ATXN10: variants seen among roughly 807,000 people sequenced by gnomAD.
ATXN10 encodes the protein ataxin-10.
A neutral mutation model predicts 52.9 loss-of-function variants in ATXN10; 28 were observed. The observed-to-expected ratio is 0.53, with a 90% CI of 0.39 to 0.73. The LOEUF (loss-of-function observed/expected upper bound fraction) is 0.73. Among genes scored for constraint, ATXN10 ranks in the 30% least tolerant of loss-of-function variants. The pLI is 0.00. For missense variants in ATXN10, 565 were observed against 577.0 expected (o/e 0.98, Z 0.21); for synonymous variants, 226 against 221.5 (o/e 1.02, Z -0.18).
In ATXN10 at chr22:45,775,394, A is replaced by G. The variant is rs764172452; in HGVS notation, c.1174-31565A>G. On this transcript the variant is annotated intron_variant, in intron 9 of 11. Transcript: ENST00000252934. This position sits in a 1 kb window ranked among gnomAD's most constrained non-coding sequence, Gnocchi z 4.7. ...AAATTGAGACAAGTTGGAAAACACAAACATTGTGAGGGTTTGTAGAACGGG... is the reference window on the plus strand; with the variant it reads ...AAATTGAGACAAGTTGGAAAACACAGACATTGTGAGGGTTTGTAGAACGGG... 3.3e-5 allele frequency among the ~76,000 whole-genome samples: 5 copies of G among 152,218 alleles called. No individual in the cohort carries two copies. The highest frequency in any genetic ancestry group is 1.3e-4 in the Admixed American group (2 of 15,284).
At chr22:45,673,886 C>G (rs1056017098) in intron 1 of ATXN10, 3 of 152,120 alleles carry the variant, frequency 2.0e-5, no homozygotes, top group Non-Finnish European at 4.4e-5. Flanking sequence ...TAAGGTTTCT[C>G]GTACAGAAGA....
rs574175363 is a variant in ATXN10 at position 45,842,019 on chromosome 22, G to A, written c.1238-972G>A. Among the ~76,000 whole-genome samples the A allele has an allele frequency of 5.3e-5, 8 of 152,246 alleles. No individual in the cohort carries two copies. Among genetic ancestry groups the A allele is most frequent in the South Asian group, 2.1e-4 (1 of 4,828 alleles). On this transcript the variant is annotated intron_variant, in intron 10 of 11. Coordinates refer to ENST00000252934, the MANE Select transcript of ATXN10 (RefSeq NM_013236.4). The surrounding 1 kb of genome is among the most constrained non-coding windows in gnomAD (Gnocchi z 4.8). ...TTTGTCTTGCTGCCTTTATCTGCTCGTGGGCAGGGAGGTCTCTTTCTTTGG... is the reference window on the plus strand; with the variant it reads ...TTTGTCTTGCTGCCTTTATCTGCTCATGGGCAGGGAGGTCTCTTTCTTTGG...
rs1601631413 is a variant in ATXN10 at position 45,763,638 on chromosome 22, C to A, written c.1173+23100C>A. 2.0e-5 allele frequency among the ~76,000 whole-genome samples: 3 copies of A among 152,246 alleles called. No homozygotes were observed. The highest frequency in any genetic ancestry group is 2.0e-4 in the Admixed American group (3 of 15,290). ...GGCCCTTCCTTTTCCCCAGGTTGGG[C>A]TCTTGCCTTTTTCTCTGTTCCTTCA... On this transcript the variant is annotated intron_variant, in intron 9 of 11. Transcript: ENST00000252934. This position sits in a 1 kb window ranked among gnomAD's most constrained non-coding sequence, Gnocchi z 6.9.
At chr22:45,767,119 G>A (rs906744654) in intron 9 of ATXN10, among the ~76,000 whole-genome samples, 1 of 152,068 alleles carries the variant, frequency 6.6e-6, no homozygotes, top group African/African-American at 2.4e-5. Flanking sequence ...TTGCTTTTAG[G>A]ACTCTATACT....
chr22:45,802,726 C>G (rs1001660698), intron 9 of ATXN10, among the ~76,000 whole-genome samples: 1 of 152,194 alleles, frequency 6.6e-6, no homozygotes, highest in African/African-American at 2.4e-5. Context: ...TTTAGTTCAC[C>G]TTTATTGCCT....
intron 9 of ATXN10, 21 bp downstream of exon 9, chr22:45,740,559 G>A: frequency 6.2e-7 from 1 of 1,608,308 alleles, no homozygotes; most frequent in Non-Finnish European, 8.5e-7. Context: ...TTCTTAGTAT[G>A]TATTATACAT....
At chr22:45,813,476 A>G (rs996496865) in intron 10 of ATXN10, among the ~76,000 whole-genome samples, 1 of 147,080 alleles carries the variant, frequency 6.8e-6, no homozygotes, top group African/African-American at 2.5e-5. Context: ...TTTAATGGAA[A>G]CACCTAATTT....
Position 45,837,522 on chromosome 22 carries a change from A to G in ATXN10, c.1238-5469A>G, listed in dbSNP as rs750187908. Among the ~76,000 whole-genome samples, 11 of 152,244 alleles carry G rather than the reference A, an allele frequency of 7.2e-5. No individual in the cohort carries two copies. Among genetic ancestry groups the G allele is most frequent in the Non-Finnish European group, 1.6e-4 (11 of 68,038 alleles). On this transcript the variant is annotated intron_variant, in intron 10 of 11. Coordinates refer to ENST00000252934, the MANE Select transcript of ATXN10 (RefSeq NM_013236.4). This position sits in a 1 kb window ranked among gnomAD's most constrained non-coding sequence, Gnocchi z 5.8. ...CGTGATCCGCCTGCCTCAGCCTCCC[A>G]AAGTGTTGGGATTACAGGCGTGAGC...
At position 45,790,738 on chromosome 22, in the gene ATXN10, A is replaced by G. The variant is rs78733525; in HGVS notation, c.1174-16221A>G. Among the ~76,000 whole-genome samples, 891 of 151,868 alleles carry G rather than the reference A, an allele frequency of 5.9e-3. 14 individuals carry two copies. The highest frequency in any genetic ancestry group is 0.021 in the African/African-American group (856 of 41,364). ...TGTTCAAATAGCCACTGAAACATCT[A>G]CTCTTTTCTACACTTCACTGTAAGT... On this transcript the variant is annotated intron_variant, in intron 9 of 11. Transcript: ENST00000252934. This position sits in a 1 kb window ranked among gnomAD's most constrained non-coding sequence, Gnocchi z 4.7.
chr22:45,711,051 A>C (rs1924228254), intron 5 of ATXN10, among the ~76,000 whole-genome samples: 1 of 152,210 alleles, frequency 6.6e-6, no homozygotes, highest in Admixed American at 6.5e-5. Context: ...CCTGAAAATC[A>C]GACATTCTGT....
intron 6 of ATXN10, among the ~76,000 whole-genome samples, chr22:45,726,361 C>G (rs1924870855): frequency 6.6e-6 from 1 of 151,990 alleles, no homozygotes; most frequent in Non-Finnish European, 1.5e-5. Flanking sequence ...CTGTTCAGAC[C>G]TCCTATTTCT....
Position 45,765,167 on chromosome 22 carries a change from G to A in ATXN10, c.1173+24629G>A, listed in dbSNP as rs141086863. On this transcript the variant is annotated intron_variant, in intron 9 of 11. Transcript: ENST00000252934. Reference sequence around the variant, plus strand: ...GCCAAGGAGATTGCCCTCTCATCGCGGGGCCAGTCCTAGAAGCCACTTCTT... The same window carrying A: ...GCCAAGGAGATTGCCCTCTCATCGCAGGGCCAGTCCTAGAAGCCACTTCTT... Among the ~76,000 whole-genome samples, 642 of 152,238 alleles carry A rather than the reference G, an allele frequency of 4.2e-3. 7 individuals are homozygous for A. The highest frequency in any genetic ancestry group is 0.015 in the African/African-American group (615 of 41,528).
intron 9 of ATXN10, among the ~76,000 whole-genome samples, chr22:45,778,273 C>G (rs1927029891): frequency 6.6e-6 from 1 of 152,148 alleles, no homozygotes; most frequent in South Asian, 2.1e-4. Flanking sequence ...TATCCATTTA[C>G]TCAGTGAGTA....
chr22:45,721,288 T>C (rs1296224700), intron 6 of ATXN10, among the ~76,000 whole-genome samples: 1 of 152,176 alleles, frequency 6.6e-6, no homozygotes, highest in East Asian at 1.9e-4. Flanking sequence ...GTAAACAGCT[T>C]GTGTAGTTTT....
At chr22:45,812,073 G>A (rs1193681159) in intron 10 of ATXN10, among the ~76,000 whole-genome samples, 2 of 152,158 alleles carry the variant, frequency 1.3e-5, no homozygotes, top group African/African-American at 4.8e-5. Context: ...CGTGAAGGCA[G>A]TTGTCCAAGC....
chr22:45,773,752 CT>C (rs1926856278), intron 9 of ATXN10, among the ~76,000 whole-genome samples: 1 of 152,124 alleles, frequency 6.6e-6, no homozygotes, highest in Admixed American at 6.5e-5. Context: ...GCCACTGCAC[CT>C]GGCCTGAATG....
At chr22:45,794,562 T>C (rs1385955575) in intron 9 of ATXN10, among the ~76,000 whole-genome samples, 1 of 152,204 alleles carries the variant, frequency 6.6e-6, no homozygotes, top group South Asian at 2.1e-4. Flanking sequence ...CTCTGTAGTG[T>C]TGTTGTTCTA....
chr22:45,695,168 C>G (rs1013792096), intron 3 of ATXN10, among the ~76,000 whole-genome samples: 3 of 148,460 alleles, frequency 2.0e-5, no homozygotes, highest in Admixed American at 2.0e-4. Context: ...AGTAAAAATA[C>G]AAAAAATTAG....
rs79033695 is a variant in ATXN10, at chr22:45,727,168, G to A, written c.729-2257G>A. On this transcript the variant is annotated intron_variant, in intron 6 of 11. Coordinates refer to ENST00000252934, the MANE Select transcript of ATXN10 (RefSeq NM_013236.4). The surrounding 1 kb of genome is among the most constrained non-coding windows in gnomAD (Gnocchi z 4.6). Reference sequence around the variant, plus strand: ...TATTTTGAATAACTTTTAAATGTCCGTCTTGATTTCATTGTTAACCCCCAA... The same window carrying A: ...TATTTTGAATAACTTTTAAATGTCCATCTTGATTTCATTGTTAACCCCCAA... Among the ~76,000 whole-genome samples the A allele has an allele frequency of 0.14, 20,788 of 152,006 alleles. 1,799 individuals carry two copies. The highest frequency in any genetic ancestry group is 0.21 in the East Asian group (1,079 of 5,174).
Sources: allele counts gnomAD v4.1 joint callset (sites outside exome capture counted in the v4.1 genomes callset), GRCh38; gene constraint gnomAD v4.1.1; non-coding constraint Gnocchi (gnomAD v3.1); transcripts MANE v1.5; gene names NCBI Gene and HGNC (gene_info 2026-07-23, HGNC 2026-07-21).